Variants in DNAH11 observed in about 807,000 individuals in gnomAD.
DNAH11 encodes axonemal beta dynein heavy chain 11.
In DNAH11, 442 loss-of-function variants were observed where a neutral mutation model predicts 526.0. The ratio of observed to expected loss-of-function variants is 0.84; its 90% CI spans 0.78 to 0.91. The LOEUF (loss-of-function observed/expected upper bound fraction) is 0.91. Among genes scored for constraint, DNAH11 ranks in the 40% least tolerant of loss-of-function variants. DNAH11 has a pLI of 0.00. For missense variants in DNAH11, 6,989 were observed against 5,448.7 expected (o/e 1.28, Z -8.90); for synonymous variants, 2,461 against 1,935.9 (o/e 1.27, Z -7.12).
At chr7:21,644,761 C>T (rs549098421) in intron 28 of DNAH11, among the ~76,000 whole-genome samples, 35 of 152,296 alleles carry the variant, frequency 2.3e-4, no homozygotes, top group African/African-American at 7.9e-4. Context: ...CTCTGCTTGG[C>T]ATGACTTATG....
At chr7:21,564,945 A>T (rs1169893022) in intron 6 of DNAH11, among the ~76,000 whole-genome samples, 1 of 152,188 alleles carries the variant, frequency 6.6e-6, no homozygotes, top group Non-Finnish European at 1.5e-5. Flanking sequence ...CTGTGTCCTC[A>T]TCCTGTCTGT....
At chr7:21,789,808 T>TTTCTTTC (rs1788373540) in intron 61 of DNAH11, among the ~76,000 whole-genome samples, 2 of 34,084 alleles carry the variant, frequency 5.9e-5, no homozygotes, top group African/African-American at 7.9e-5. Flanking sequence ...TTTCTTTCTT[T>TTTCTTTC]TTTCTTTCTT....
At chr7:21,791,088 A>G (rs10230994) in intron 61 of DNAH11, among the ~76,000 whole-genome samples, 22,027 of 152,136 alleles carry the variant, frequency 0.14, 2,499 homozygotes, top group African/African-American at 0.31. Flanking sequence ...CTGGCTGATG[A>G]GATACAGAGA....
intron 76 of DNAH11, among the ~76,000 whole-genome samples, chr7:21,885,096 A>G (rs1005414588): frequency 1.5e-5 from 1 of 68,892 alleles, no homozygotes; most frequent in Admixed American, 1.3e-4. Context: ...CTAACAAGAT[A>G]GTAAAAAAAA....
At chr7:21,871,699 T>G (rs1783499310) in intron 73 of DNAH11, among the ~76,000 whole-genome samples, 2 of 152,184 alleles carry the variant, frequency 1.3e-5, no homozygotes, top group African/African-American at 4.8e-5. Context: ...GGAGGGAACT[T>G]AGAGTCCTTA....
rs1176668817 is a variant in DNAH11 at position 21,786,870 on chromosome 7, C to A, written c.9741+103C>A. 4 of 1,463,310 alleles carry A rather than the reference C, an allele frequency of 2.7e-6. No homozygotes were observed. The African/African-American group carries it at 4.2e-5, about 15-fold the overall frequency. The allele number at this position is 1,463,310 out of a possible 1,614,324, so 90.6% of individuals were successfully genotyped here. Reference sequence around the variant, plus strand: ...AAAAGATGTTTAAGTCAGAAGAAATCATCTTCATAGTTGCTGAATGTAATC... The same window carrying A: ...AAAAGATGTTTAAGTCAGAAGAAATAATCTTCATAGTTGCTGAATGTAATC... On this transcript the variant is annotated intron_variant, in intron 59 of 81. Coordinates refer to ENST00000409508, the MANE Select transcript of DNAH11 (RefSeq NM_001277115.2).
At chr7:21,832,051 C>G (rs1248298699) in intron 65 of DNAH11, among the ~76,000 whole-genome samples, 3 of 151,890 alleles carry the variant, frequency 2.0e-5, no homozygotes, top group African/African-American at 7.3e-5. Context: ...GGTTGCACCA[C>G]TGCACTGCAG....
At chr7:21,769,577 C>T (rs1014674258) in intron 55 of DNAH11, among the ~76,000 whole-genome samples, 9 of 151,912 alleles carry the variant, frequency 5.9e-5, no homozygotes, top group Admixed American at 2.6e-4. Flanking sequence ...TTCCGCCTCT[C>T]GGGTTCAAGT....
At chr7:21,609,968 A>G (rs1189072640) in intron 20 of DNAH11, among the ~76,000 whole-genome samples, 1 of 152,074 alleles carries the variant, frequency 6.6e-6, no homozygotes, top group Non-Finnish European at 1.5e-5. Flanking sequence ...AAAAAACAGA[A>G]AAGGGGCCGG....
chr7:21,603,454 A>G (rs1785168689), intron 18 of DNAH11, among the ~76,000 whole-genome samples: 4 of 152,240 alleles, frequency 2.6e-5, no homozygotes, highest in South Asian at 2.1e-4. Context: ...TGGTAGTTCT[A>G]TATTTAACTT....
intron 65 of DNAH11, among the ~76,000 whole-genome samples, chr7:21,827,273 C>T (rs934307486): frequency 6.6e-6 from 1 of 152,084 alleles, no homozygotes; most frequent in Non-Finnish European, 1.5e-5. Flanking sequence ...TTATATCAAT[C>T]GACAGCAAAT....
chr7:21,702,041 T>G (rs1227080087), intron 36 of DNAH11, among the ~76,000 whole-genome samples: 1 of 152,092 alleles, frequency 6.6e-6, no homozygotes, highest in Non-Finnish European at 1.5e-5. Flanking sequence ...AATAAGTTTA[T>G]CATGAGAAAA....
rs768902278 is a variant in DNAH11 at position 21,571,942 on chromosome 7, G to T, written c.1562G>T (p.Ser521Ile). 14 of 1,606,248 alleles carry T rather than the reference G, an allele frequency of 8.7e-6. No homozygotes were observed. The highest frequency in any genetic ancestry group is 2.2e-5 in the East Asian group (1 of 44,692). ...GAACTCTGTAAACTTTTTAAACAGA[G>T]CACTTATGACCCATCTGATTGCACT... ...LMELCKLFKQ[S>I]TYDPSDCTNM... The change falls in exon 8 of 82, where the codon AGC (serine) becomes ATC (isoleucine). Residue 521 changes from serine to isoleucine, a missense_variant. Coordinates refer to ENST00000409508, the MANE Select transcript of DNAH11 (RefSeq NM_001277115.2).
chr7:21,878,511 G>A (rs115797466), intron 74 of DNAH11, among the ~76,000 whole-genome samples: 10 of 152,230 alleles, frequency 6.6e-5, no homozygotes, highest in African/African-American at 2.4e-4. Context: ...GTTAATTCCA[G>A]TTATACGGTT....
chr7:21,785,701 GTAT>G (rs1252393974), intron 58 of DNAH11, among the ~76,000 whole-genome samples: 5 of 152,096 alleles, frequency 3.3e-5, no homozygotes, highest in Admixed American at 6.6e-5. Flanking sequence ...CTGTGTATAT[GTAT>G]AAGTTATAAA....
intron 74 of DNAH11, among the ~76,000 whole-genome samples, chr7:21,874,158 T>C (rs1405692233): frequency 6.6e-6 from 1 of 152,044 alleles, no homozygotes; most frequent in African/African-American, 2.4e-5. Flanking sequence ...AAGAAGCCAT[T>C]GTTATTCTTG....
chr7:21,725,875 C>T lies in DNAH11; in HGVS notation c.7331C>T (p.Pro2444Leu), dbSNP rs552235699. The T allele has an allele frequency of 8.7e-6, 14 of 1,610,094 alleles. No individual in the cohort carries two copies. In the African/African-American group the frequency reaches 9.3e-5, roughly 11 times the overall value. ...AAAGAGATGAAAGCAGTGAAATTTC[C>T]GTCGCAGGGAACAATCTTTGATTAT... ...WQKEMKAVKF[P>L]SQGTIFDYYV... The change falls in exon 45 of 82, where the codon CCG becomes CTG. Residue 2444 changes from proline (P) to leucine (L), a missense_variant. Transcript: ENST00000409508.
intron 61 of DNAH11, among the ~76,000 whole-genome samples, chr7:21,800,739 T>C (rs1436663456): frequency 6.6e-6 from 1 of 152,142 alleles, no homozygotes; most frequent in Non-Finnish European, 1.5e-5. Context: ...AAAGAATCCG[T>C]GGGTGGAGAA....
intron 59 of DNAH11, among the ~76,000 whole-genome samples, chr7:21,787,183 C>G (rs565759419): frequency 3.5e-4 from 54 of 152,250 alleles, no homozygotes; most frequent in Admixed American, 9.2e-4. Flanking sequence ...TGTGCTGGGA[C>G]TGAATATTTT....
Sources: gnomAD v4.1 joint callset for allele counts (sites outside exome capture counted in the v4.1 genomes callset) on GRCh38, gnomAD v4.1.1 for gene constraint, MANE v1.5 for transcripts, NCBI Gene and HGNC (gene_info 2026-07-23, HGNC 2026-07-21) for gene names.